The following RBFOX1 variants were observed in gnomAD, a reference collection of about 807,000 sequenced individuals.
The protein encoded by RBFOX1 is RNA binding fox-1 homolog 1, also known as RNA binding protein fox-1 homolog 1.
RBFOX1 carries 8 observed loss-of-function variants against 57.7 expected under a neutral mutation model. The ratio of observed to expected loss-of-function variants is 0.14; its 90% CI spans 0.08 to 0.25. The LOEUF (loss-of-function observed/expected upper bound fraction) is 0.25. Ranked by LOEUF, RBFOX1 falls within the 10% of genes least tolerant of loss-of-function variation. The pLI, the probability that RBFOX1 is intolerant of heterozygous loss-of-function variation, is 1.00. For synonymous variants in RBFOX1, 326 were observed against 222.4 expected, an observed-to-expected ratio of 1.47 and a Z score of -4.15; for missense variants, 611 against 548.5, an observed-to-expected ratio of 1.11 and a Z score of -1.14.
chr16:5,977,534 T>G (rs184152795), intron 4 of RBFOX1, among the ~76,000 whole-genome samples: 1 of 152,312 alleles, frequency 6.6e-6, no homozygotes, highest in East Asian at 1.9e-4. Context: ...TGCTTCGGTT[T>G]CCATGGAAAC....
chr16:5,807,388 C>T (rs1362955800), intron 3 of RBFOX1, among the ~76,000 whole-genome samples: 3 of 152,134 alleles, frequency 2.0e-5, no homozygotes, highest in South Asian at 2.1e-4. Context: ...TCCCTGTGAG[C>T]TGGGTCCCTG....
intron 2 of RBFOX1, among the ~76,000 whole-genome samples, chr16:6,492,379 C>T (rs544378443): frequency 2.6e-5 from 4 of 152,190 alleles, no homozygotes; most frequent in African/African-American, 9.6e-5. Context: ...ACCAGCCTGG[C>T]CAACATAGTG....
intron 4 of RBFOX1, among the ~76,000 whole-genome samples, chr16:7,507,709 G>T (rs1294139484): frequency 1.3e-5 from 2 of 150,910 alleles, no homozygotes; most frequent in Non-Finnish European, 3.0e-5. Flanking sequence ...GACTACAGGC[G>T]CCCACCACCA....
At chr16:5,496,289 G>A (rs1039301064) in intron 2 of RBFOX1, among the ~76,000 whole-genome samples, 17 of 151,952 alleles carry the variant, frequency 1.1e-4, no homozygotes, top group African/African-American at 3.9e-4. Flanking sequence ...TTCTTCTCAC[G>A]CTGGTGTCAA....
At chr16:7,452,906 A>G (rs1292671827) in intron 4 of RBFOX1, among the ~76,000 whole-genome samples, 3 of 152,216 alleles carry the variant, frequency 2.0e-5, no homozygotes, top group East Asian at 1.9e-4. Flanking sequence ...TGGTGGGTGG[A>G]TCACTTGAGG....
intron 1 of RBFOX1, among the ~76,000 whole-genome samples, chr16:6,075,124 A>G (rs1039871571): frequency 6.6e-6 from 1 of 152,176 alleles, no homozygotes; most frequent in Non-Finnish European, 1.5e-5. Flanking sequence ...CATTTATCAC[A>G]TGCAGGGAAT....
At chr16:5,344,803 G>A (rs60417437) in intron 1 of RBFOX1, among the ~76,000 whole-genome samples, 3,762 of 152,280 alleles carry the variant, frequency 0.025, 156 homozygotes, top group African/African-American at 0.085. Flanking sequence ...TCTATGAACA[G>A]CACGTGCTTT....
intron 2 of RBFOX1, among the ~76,000 whole-genome samples, chr16:5,531,238 G>A (rs979369657): frequency 2.0e-5 from 3 of 152,220 alleles, no homozygotes; most frequent in African/African-American, 7.2e-5. Flanking sequence ...GCACTCTGGG[G>A]TGGGTTGTGG....
At chr16:5,365,892 G>A (rs1452342070) in intron 1 of RBFOX1, 1 of 503,710 alleles carries the variant, frequency 2.0e-6, no homozygotes, top group African/African-American at 1.9e-5. Flanking sequence ...TCACTTCAAG[G>A]TGGATAATGA....
At chr16:6,548,923 A>G (rs968258999) in intron 2 of RBFOX1, among the ~76,000 whole-genome samples, 3 of 151,244 alleles carry the variant, frequency 2.0e-5, no homozygotes, top group Admixed American at 1.3e-4. Flanking sequence ...TAAAAGTACA[A>G]AAATTAGCTG....
chr16:7,017,934 T>G (rs2093997099), intron 3 of RBFOX1, among the ~76,000 whole-genome samples: 2 of 152,208 alleles, frequency 1.3e-5, no homozygotes, highest in African/African-American at 4.8e-5. Context: ...ATTTGCAAAC[T>G]GTCGGCGACG....
chr16:6,495,874 G>A (rs1404653251), intron 2 of RBFOX1, among the ~76,000 whole-genome samples: 2 of 152,192 alleles, frequency 1.3e-5, no homozygotes, highest in South Asian at 2.1e-4. Flanking sequence ...CAACATAAAG[G>A]TATCTGTTTG....
chr16:5,835,519 A>G (rs1194399954), intron 3 of RBFOX1, among the ~76,000 whole-genome samples: 1 of 152,182 alleles, frequency 6.6e-6, no homozygotes, highest in African/African-American at 2.4e-5. Context: ...AAAAGAGTCC[A>G]GATTCCCAGG....
chr16:7,243,943 C>G (rs1354475852), intron 4 of RBFOX1, among the ~76,000 whole-genome samples: 2 of 150,666 alleles, frequency 1.3e-5, no homozygotes, highest in South Asian at 4.2e-4. Flanking sequence ...TTCATTAAAC[C>G]TCTGAAGTCA....
At chr16:5,803,077 C>T (rs1253477688) in intron 3 of RBFOX1, among the ~76,000 whole-genome samples, 3 of 152,040 alleles carry the variant, frequency 2.0e-5, no homozygotes, top group Admixed American at 2.0e-4. Flanking sequence ...CCATCTTTAG[C>T]ACCCAGACAA....
In RBFOX1 at chr16:7,320,376, G is replaced by C. The variant is rs533916960; in HGVS notation, c.28-197771G>C. On this transcript the variant is annotated intron_variant, in intron 4 of 15. Transcript: ENST00000550418. ...AGTTTACTCAGGTTAATGGCTTCCA[G>C]CTCCATCCATGTCCCTGCAAAAGAC... Among the ~76,000 whole-genome samples the C allele has an allele frequency of 3.3e-5, 5 of 152,254 alleles. No individual in the cohort carries two copies. In the East Asian group the frequency reaches 7.7e-4, roughly 24 times the overall value.
intron 1 of RBFOX1, among the ~76,000 whole-genome samples, chr16:6,030,860 A>G (rs753725830): frequency 1.8e-4 from 27 of 152,176 alleles, no homozygotes; most frequent in African/African-American, 4.8e-5. Flanking sequence ...TTTTTCATGC[A>G]TTCAGCAAAC....
chr16:6,270,616 G>A (rs1303651104), intron 1 of RBFOX1, among the ~76,000 whole-genome samples: 1 of 152,108 alleles, frequency 6.6e-6, no homozygotes. Flanking sequence ...AGGAGAAATG[G>A]AAGAATATCA....
At chr16:7,568,138 A>T (rs11648693) in intron 5 of RBFOX1, among the ~76,000 whole-genome samples, 6 of 152,032 alleles carry the variant, frequency 3.9e-5, no homozygotes, top group African/African-American at 1.4e-4. Flanking sequence ...ATTCGAGGTG[A>T]ATCCATCAAG....
Sources: allele counts gnomAD v4.1 joint callset (sites outside exome capture counted in the v4.1 genomes callset), GRCh38; gene constraint gnomAD v4.1.1; transcripts MANE v1.5; gene names NCBI Gene and HGNC (gene_info 2026-07-23, HGNC 2026-07-21).